The following BANK1 variants were observed in gnomAD, a reference collection of about 807,000 sequenced individuals.
BANK1 encodes the protein B cell scaffold protein with ankyrin repeats 1.
In BANK1, 95 loss-of-function variants were observed where a neutral mutation model predicts 94.5. That is an observed-to-expected ratio of 1.00 (90% confidence interval 0.85 to 1.19). The LOEUF is 1.19. Ranked by LOEUF, BANK1 falls within the 50% of genes most tolerant of loss-of-function variation. The probability of loss-of-function intolerance (pLI) is 0.00; values close to 1 mark genes in which losing one functional copy is unlikely to be tolerated. For missense variants in BANK1, 987 were observed against 932.2 expected (o/e 1.06, Z -0.77); for synonymous variants, 334 against 308.4 (o/e 1.08, Z -0.87).
chr4:101,919,881 C>T (rs939472669), intron 7 of BANK1, among the ~76,000 whole-genome samples: 4 of 151,896 alleles, frequency 2.6e-5, no homozygotes, highest in Non-Finnish European at 4.4e-5. Context: ...TTGCAAGCTA[C>T]GAAGGCCTTT....
chr4:101,902,422 T>C (rs894542170), intron 6 of BANK1, among the ~76,000 whole-genome samples: 15 of 152,344 alleles, frequency 9.8e-5, no homozygotes, highest in African/African-American at 3.6e-4. Flanking sequence ...ATAAATATTG[T>C]TTAGCATGTA....
intron 2 of BANK1, among the ~76,000 whole-genome samples, chr4:101,833,928 G>A (rs1424564401): frequency 2.0e-5 from 3 of 152,082 alleles, no homozygotes; most frequent in African/African-American, 7.2e-5. Flanking sequence ...AAAGAAAAAA[G>A]TGTTACAATA....
At chr4:102,026,525 A>G (rs1189725825) in intron 9 of BANK1, among the ~76,000 whole-genome samples, 1 of 152,130 alleles carries the variant, frequency 6.6e-6, no homozygotes, top group African/African-American at 2.4e-5. Context: ...GTAAATTTTT[A>G]CGCAATGAAA....
chr4:101,907,252 A>G (rs1454916821), intron 6 of BANK1, among the ~76,000 whole-genome samples: 1 of 152,222 alleles, frequency 6.6e-6, no homozygotes, highest in African/African-American at 2.4e-5. Context: ...GGTTCAACAT[A>G]TGCAAGTCAA....
chr4:101,852,470 C>CTATATATATATATATA (rs541955636), intron 2 of BANK1, among the ~76,000 whole-genome samples: 11 of 103,764 alleles, frequency 1.1e-4, no homozygotes, highest in Non-Finnish European at 1.5e-4. Context: ...TATTTTTCGG[C>CTATATATATATATATA]TATATATATA....
chr4:101,955,293 T>C (rs1381452609), intron 7 of BANK1, among the ~76,000 whole-genome samples: 1 of 152,158 alleles, frequency 6.6e-6, no homozygotes, highest in African/African-American at 2.4e-5. Context: ...CACATTCAAA[T>C]AGATTGTTCA....
intron 12 of BANK1, 39 bp downstream of exon 12, chr4:102,060,428 T>C: frequency 6.4e-7 from 1 of 1,562,070 alleles, no homozygotes; most frequent in South Asian, 1.2e-5. Flanking sequence ...ATTCCCTCAC[T>C]TGTGGAGCCC....
At chr4:102,024,748 A>G (rs1231788486) in intron 8 of BANK1, among the ~76,000 whole-genome samples, 2 of 152,160 alleles carry the variant, frequency 1.3e-5, no homozygotes, top group Non-Finnish European at 2.9e-5. Context: ...AAAGATCAAT[A>G]TATATTAAAA....
intron 10 of BANK1, among the ~76,000 whole-genome samples, chr4:102,031,640 A>G (rs994559554): frequency 6.6e-6 from 1 of 152,222 alleles, no homozygotes; most frequent in African/African-American, 2.4e-5. Flanking sequence ...ACATGAAACC[A>G]TAGGATATAT....
Position 102,041,247 on chromosome 4 carries a change from A to C in BANK1, c.1901-2592A>C, listed in dbSNP as rs568500746. On this transcript the variant is annotated intron_variant, in intron 10 of 16. Transcript: ENST00000322953. ...GGTTTTGCTAGTTGAAGCAATTTTA[A>C]ATGTTTCAGCTAATAGGAACTATAA... 4.6e-5 allele frequency among the ~76,000 whole-genome samples: 7 copies of C among 152,138 alleles called. No individual in the cohort carries two copies. The South Asian group carries it at 1.5e-3, about 32-fold the overall frequency.
intron 15 of BANK1, among the ~76,000 whole-genome samples, 187 bp from the exon 16 acceptor site, chr4:102,073,497 G>T (rs569999560): frequency 6.6e-6 from 1 of 151,952 alleles, no homozygotes; most frequent in Non-Finnish European, 1.5e-5. Context: ...TCAAGGACTC[G>T]GATGCAGTTG....
At chr4:101,949,666 T>G (rs1361096827) in intron 7 of BANK1, among the ~76,000 whole-genome samples, 1 of 152,124 alleles carries the variant, frequency 6.6e-6, no homozygotes, top group African/African-American at 2.4e-5. Context: ...TATCCCTTAG[T>G]ATGGGAAAAG....
rs954824740 is a variant in BANK1 at position 102,063,176 on chromosome 4, T to C, written c.2212+38T>C. The C allele has an allele frequency of 2.6e-6, 4 of 1,556,000 alleles. No individual in the cohort carries two copies. In the African/African-American group the frequency reaches 5.5e-5, roughly 21 times the overall value. ...CGCCTGCTATTCAAAAATAATAGAG[T>C]GATTACGTTGAAAATTCAAGGACTG... is the stretch of plus-strand genomic sequence containing the variant. On this transcript the variant is annotated intron_variant, in intron 13 of 16. Transcript: ENST00000322953.
intron 2 of BANK1, among the ~76,000 whole-genome samples, chr4:101,847,057 T>C (rs1229413682): frequency 6.6e-6 from 1 of 152,174 alleles, no homozygotes; most frequent in East Asian, 1.9e-4. Context: ...CCTCATTAGA[T>C]TGCAAGTCGT....
chr4:101,804,726 TTTCTC>T (rs1725495782), intron 1 of BANK1, among the ~76,000 whole-genome samples: 1 of 152,184 alleles, frequency 6.6e-6, no homozygotes, highest in Non-Finnish European at 1.5e-5. Context: ...AACACTTTCT[TTTCTC>T]TAGCTTACTT....
At chr4:102,013,245 T>C (rs989395258) in intron 7 of BANK1, among the ~76,000 whole-genome samples, 1 of 152,146 alleles carries the variant, frequency 6.6e-6, no homozygotes, top group East Asian at 1.9e-4. Context: ...TATTCTCTTA[T>C]ATACTCTGTA....
At chr4:101,976,005 C>G (rs1157962418) in intron 7 of BANK1, among the ~76,000 whole-genome samples, 1 of 152,054 alleles carries the variant, frequency 6.6e-6, no homozygotes, top group Non-Finnish European at 1.5e-5. Flanking sequence ...ACATATCCTC[C>G]CCAAACCAGG....
chr4:101,899,877 G>C (rs1294187452), intron 6 of BANK1, among the ~76,000 whole-genome samples: 1 of 152,156 alleles, frequency 6.6e-6, no homozygotes, highest in Admixed American at 6.5e-5. Flanking sequence ...AAATCTTTTG[G>C]CCTCAGGATG....
chr4:101,791,006 G>A lies in BANK1; in HGVS notation c.70+56G>A, dbSNP rs562077718. 5.7e-4 allele frequency: 783 copies of A among 1,371,480 alleles called. 1 individual carries two copies. The highest frequency in any genetic ancestry group is 6.7e-4 in the Non-Finnish European group (697 of 1,039,816). The allele number at this position is 1,371,480 out of a possible 1,614,324, so 85.0% of individuals were successfully genotyped here. ...CGCCGAGGCCGGGCTACGGGGCTCT[G>A]CGGAGACCACGGGCCATCGTTAGAC... On this transcript the variant is annotated intron_variant, in intron 1 of 16. Coordinates refer to ENST00000322953, the MANE Select transcript of BANK1 (RefSeq NM_017935.5).
Sources: gnomAD v4.1 joint callset for allele counts (sites outside exome capture counted in the v4.1 genomes callset) on GRCh38, gnomAD v4.1.1 for gene constraint, MANE v1.5 for transcripts, NCBI Gene and HGNC (gene_info 2026-07-23, HGNC 2026-07-21) for gene names.